The following ADK variants were observed in gnomAD, a reference collection of about 807,000 sequenced individuals.
ADK encodes adenosine kinase.
ADK carries 24 observed loss-of-function variants against 44.7 expected under a neutral mutation model. That is an observed-to-expected ratio of 0.54 (90% CI 0.39 to 0.76). ADK has a LOEUF of 0.76. Ranked by LOEUF, ADK falls within the 30% of genes least tolerant of loss-of-function variation. The pLI, the probability that ADK is intolerant of heterozygous loss-of-function variation, is 0.00. For synonymous variants in ADK, 128 were observed against 142.6 expected (o/e 0.90, Z 0.73); for missense variants, 321 against 425.1 (o/e 0.76, Z 2.15).
intron 6 of ADK, among the ~76,000 whole-genome samples, chr10:74,483,654 T>C (rs775237640): frequency 1.3e-5 from 2 of 152,222 alleles, no homozygotes; most frequent in Non-Finnish European, 2.9e-5. Context: ...GAGCATATGC[T>C]GTTAGAAGCA....
At chr10:74,401,562 C>T (rs1263224128) in intron 6 of ADK, among the ~76,000 whole-genome samples, 1 of 151,760 alleles carries the variant, frequency 6.6e-6, no homozygotes, top group East Asian at 1.9e-4. Flanking sequence ...GGATTGCAAC[C>T]CCTGCTTTTT....
Position 74,610,455 on chromosome 10 carries a change from A to G in ADK, c.877+9962A>G, listed in dbSNP as rs1430115377. Among the ~76,000 whole-genome samples, 3 of 152,150 alleles carry G rather than the reference A, an allele frequency of 2.0e-5. No individual in the cohort carries two copies. The East Asian group carries it at 5.8e-4, about 29-fold the overall frequency. On this transcript the variant is annotated intron_variant, in intron 9 of 10. Transcript: ENST00000539909. ...TATTGTTTAATTGGTAAAAAGTTTCAGTTTTGCAGGATGAAAAAGTTGTAA... is the reference window on the plus strand; with the variant it reads ...TATTGTTTAATTGGTAAAAAGTTTCGGTTTTGCAGGATGAAAAAGTTGTAA...
chr10:74,420,281 A>G (rs1219250863), intron 6 of ADK, among the ~76,000 whole-genome samples: 1 of 152,098 alleles, frequency 6.6e-6, no homozygotes, highest in East Asian at 1.9e-4. Context: ...AGGAAGTACA[A>G]ATAAGCAACC....
At chr10:74,464,806 C>A (rs931707154) in intron 6 of ADK, among the ~76,000 whole-genome samples, 2 of 151,032 alleles carry the variant, frequency 1.3e-5, no homozygotes, top group African/African-American at 4.9e-5. Context: ...TATGATCATG[C>A]CACTGCACTG....
intron 9 of ADK, among the ~76,000 whole-genome samples, chr10:74,613,383 C>G (rs1433851978): frequency 6.6e-6 from 1 of 152,056 alleles, no homozygotes; most frequent in South Asian, 2.1e-4. Context: ...AACTTTTTAA[C>G]AGCTAAGGGT....
intron 9 of ADK, among the ~76,000 whole-genome samples, chr10:74,645,259 A>C (rs910999532): frequency 6.6e-6 from 1 of 151,760 alleles, no homozygotes; most frequent in African/African-American, 2.4e-5. Flanking sequence ...GTATTTTTCT[A>C]CTTCTCTGTT....
At chr10:74,167,886 C>G (rs775419229) in intron 1 of ADK, among the ~76,000 whole-genome samples, 6 of 152,146 alleles carry the variant, frequency 3.9e-5, no homozygotes, top group Non-Finnish European at 7.3e-5. Context: ...GAAGGATGAT[C>G]ACTTTTAAAG....
intron 6 of ADK, among the ~76,000 whole-genome samples, chr10:74,402,187 T>C (rs1407699003): frequency 1.3e-5 from 2 of 152,196 alleles, no homozygotes; most frequent in African/African-American, 2.4e-5. Flanking sequence ...TTCCTTCATT[T>C]CAACTTTGGT....
intron 4 of ADK, among the ~76,000 whole-genome samples, chr10:74,379,099 T>C (rs1564687197): frequency 6.6e-6 from 1 of 152,156 alleles, no homozygotes; most frequent in Non-Finnish European, 1.5e-5. Context: ...GTAAAGATTT[T>C]TGCTTTTTAG....
At chr10:74,224,656 G>C in intron 3 of ADK, 65 bp downstream of exon 3, 1 of 1,307,096 alleles carries the variant, frequency 7.7e-7, no homozygotes, top group South Asian at 1.2e-5. Flanking sequence ...ATATGTATAT[G>C]TAAATTATCT....
chr10:74,499,674 C>T (rs894188155), intron 6 of ADK, among the ~76,000 whole-genome samples: 2 of 150,818 alleles, frequency 1.3e-5, no homozygotes, highest in Admixed American at 6.6e-5. Flanking sequence ...GGCGACAGAG[C>T]GAGACTCCAT....
At position 74,281,258 on chromosome 10, in the gene ADK, A is replaced by T. The variant is rs7096664; in HGVS notation, c.195-33409A>T. 3.3e-5 allele frequency among the ~76,000 whole-genome samples: 5 copies of T among 152,182 alleles called. No homozygotes were observed. In the South Asian group the frequency reaches 1.0e-3, roughly 32 times the overall value. ...CACTTAACAGATACCCATGTGCTTT[A>T]TGGGAAGTTGAGTTCTTCTTATGCT... On this transcript the variant is annotated intron_variant, in intron 3 of 10. Transcript: ENST00000539909.
chr10:74,615,757 G>A (rs1262075334), intron 9 of ADK, among the ~76,000 whole-genome samples: 1 of 152,088 alleles, frequency 6.6e-6, no homozygotes, highest in Non-Finnish European at 1.5e-5. Context: ...CGCCCAGGCT[G>A]GAGTGCAGTG....
At chr10:74,636,356 G>C (rs945742267) in intron 9 of ADK, among the ~76,000 whole-genome samples, 1 of 152,136 alleles carries the variant, frequency 6.6e-6, no homozygotes, top group African/African-American at 2.4e-5. Context: ...AACTATTGAA[G>C]GGTTTTGAGC....
intron 10 of ADK, among the ~76,000 whole-genome samples, chr10:74,706,517 G>A (rs996355993): frequency 6.6e-6 from 1 of 152,002 alleles, no homozygotes; most frequent in African/African-American, 2.4e-5. Flanking sequence ...TTTCTTGATG[G>A]GATTGTTTGG....
chr10:74,525,484 A>G (rs1277414797), intron 7 of ADK, 58 bp downstream of exon 7: 1 of 1,393,398 alleles, frequency 7.2e-7, no homozygotes, highest in Non-Finnish European at 1.0e-6. Flanking sequence ...TTTATTTCTG[A>G]TGTGTGTATA....
intron 1 of ADK, among the ~76,000 whole-genome samples, chr10:74,183,121 G>T (rs948584325): frequency 2.6e-5 from 4 of 152,136 alleles, no homozygotes; most frequent in Non-Finnish European, 2.9e-5. Flanking sequence ...TTTTTGTAGA[G>T]ATGGGGTTTA....
At chr10:74,527,687 CCT>C (rs1849110561) in intron 7 of ADK, 16 of 1,176,238 alleles carry the variant, frequency 1.4e-5, no homozygotes, top group Non-Finnish European at 2.1e-5. Context: ...GTCAAAAATG[CCT>C]CTCTTATTTC....
chr10:74,370,298 A>G (rs1459739946), intron 4 of ADK, among the ~76,000 whole-genome samples: 6 of 152,218 alleles, frequency 3.9e-5, no homozygotes, highest in Non-Finnish European at 8.8e-5. Flanking sequence ...TTAGAAAAAC[A>G]AACTAAAGGA....
Sources: gnomAD v4.1 joint callset for allele counts (sites outside exome capture counted in the v4.1 genomes callset) on GRCh38, gnomAD v4.1.1 for gene constraint, MANE v1.5 for transcripts, NCBI Gene and HGNC (gene_info 2026-07-23, HGNC 2026-07-21) for gene names.